TMPO: variants seen among roughly 807,000 people sequenced by gnomAD.
TMPO encodes thymopoietin.
A neutral mutation model predicts 45.4 loss-of-function variants in TMPO; 22 were observed. The ratio of observed to expected loss-of-function variants is 0.48; its 90% CI spans 0.35 to 0.69. The LOEUF (loss-of-function observed/expected upper bound fraction) is 0.69, where lower values mean the gene tolerates loss of function less well. Ranked by LOEUF, TMPO falls within the 30% of genes least tolerant of loss-of-function variation. The pLI is 0.01. For missense variants in TMPO, 512 were observed against 548.8 expected, an observed-to-expected ratio of 0.93 and a Z score of 0.67; for synonymous variants, 241 against 204.1, an observed-to-expected ratio of 1.18 and a Z score of -1.54.
chr12:98,516,137 C>T lies in TMPO; in HGVS notation c.270C>T (p.Ala90=). 1 of 1,465,084 alleles carries T rather than the reference C, an allele frequency of 6.8e-7. No homozygotes were observed. Among genetic ancestry groups the T allele is most frequent in the Non-Finnish European group, 8.9e-7 (1 of 1,118,388 alleles). The allele number at this position is 1,465,084 out of a possible 1,614,324, so 90.8% of individuals were successfully genotyped here. The change falls in exon 1 of 9, where the codon GCC becomes GCT. Residue 90 remains alanine, a synonymous_variant. Transcript: ENST00000556029. ...CCGCCGCGGGCCGGAGCCGAGCAGC[C>T]GTCGGCAGGGTAAGGACGCGGGGCC... ...GAAAAGRSRA[A]VGRKATKKTD...
chr12:98,531,962 A>G (rs1877226656), intron 3 of TMPO, 124 bp downstream of exon 3: 1 of 730,870 alleles, frequency 1.4e-6, no homozygotes, highest in African/African-American at 1.8e-5. Flanking sequence ...TCGTGTCATT[A>G]GAGTAATTCT....
At chr12:98,545,295 A>C (rs1878166815) in intron 7 of TMPO, among the ~76,000 whole-genome samples, 1 of 152,084 alleles carries the variant, frequency 6.6e-6, no homozygotes, top group African/African-American at 2.4e-5. Context: ...TATCCCTCTT[A>C]AGTTCCAGTT....
chr12:98,530,663 A>G (rs1255710194), intron 2 of TMPO, among the ~76,000 whole-genome samples: 1 of 152,238 alleles, frequency 6.6e-6, no homozygotes, highest in African/African-American at 2.4e-5. Flanking sequence ...CAAAGTTGTT[A>G]TATTTAAATC....
intron 3 of TMPO, chr12:98,533,369 C>G (rs199943517): frequency 6.2e-7 from 1 of 1,614,176 alleles, no homozygotes; most frequent in Non-Finnish European, 8.5e-7. Context: ...CTAATTTCTC[C>G]GCCACTTGCC....
intron 7 of TMPO, among the ~76,000 whole-genome samples, chr12:98,545,877 T>G (rs559523980): frequency 5.7e-4 from 86 of 152,036 alleles, no homozygotes; most frequent in African/African-American, 1.9e-3. Flanking sequence ...GGATTACGGG[T>G]GCCCGCCACC....
At chr12:98,532,806 C>G in intron 3 of TMPO, 2 of 1,614,108 alleles carry the variant, frequency 1.2e-6, no homozygotes, top group Non-Finnish European at 1.7e-6. Context: ...AACTTCCTGC[C>G]TCTTTTGCCT....
In TMPO at chr12:98,519,717, G is replaced by A. The variant is rs762037222; in HGVS notation, c.279+3571G>A. On this transcript the variant is annotated intron_variant, in intron 1 of 8. Coordinates refer to ENST00000556029, the MANE Select transcript of TMPO (RefSeq NM_001032283.3). ...TTGAAGAAAAATATTGGTAGTCAGC[G>A]TCATTTTCTGTTTTAAAGTACGTTA... 1.6e-4 allele frequency among the ~76,000 whole-genome samples: 24 copies of A among 152,226 alleles called. No individual in the cohort carries two copies. In the South Asian group the frequency reaches 2.5e-3, roughly 16 times the overall value.
chr12:98,527,333 T>TACAAAAAAAAAAAAAA (rs1206846362), intron 1 of TMPO, among the ~76,000 whole-genome samples: 1 of 27,058 alleles, frequency 3.7e-5, no homozygotes, highest in African/African-American at 1.6e-4. Flanking sequence ...ACCCCATCTC[T>TACAAAAAAAAAAAAAA]ACAAAAAAAA....
chr12:98,528,967 AAAAT>A (rs1358734048), intron 2 of TMPO, among the ~76,000 whole-genome samples: 22 of 152,170 alleles, frequency 1.4e-4, no homozygotes, highest in African/African-American at 4.3e-4. Flanking sequence ...TGTCTCAAAA[AAAAT>A]AAATAAATAA....
rs201838047 is a variant in TMPO, at chr12:98,527,937, G to T, written c.331G>T (p.Asp111Tyr). Residue 111 changes from aspartate to tyrosine, a missense_variant, in exon 2 of 9, where the codon GAT becomes TAT. This residue lies in a region of TMPO where 299 missense variants were observed against 296.7 expected (regional missense o/e 1.01). Coordinates refer to ENST00000556029, the MANE Select transcript of TMPO (RefSeq NM_001032283.3). ...CAGACAAGAAGATAAAGATGATCTA[G>T]ATGTAACAGAGCTCACTAATGAAGA... is the stretch of plus-strand genomic sequence containing the variant. The part of the protein sequence containing the change: ...KPRQEDKDDL[D>Y]VTELTNEDLL... The T allele has an allele frequency of 6.2e-7, 1 of 1,613,908 alleles. No homozygotes were observed. Among genetic ancestry groups the T allele is most frequent in the South Asian group, 1.1e-5 (1 of 91,078 alleles).
At chr12:98,529,726 T>A (rs1877052419) in intron 2 of TMPO, among the ~76,000 whole-genome samples, 1 of 152,022 alleles carries the variant, frequency 6.6e-6, no homozygotes, top group Non-Finnish European at 1.5e-5. Context: ...TCCCGGCTAA[T>A]TTTTGTAGTT....
At chr12:98,537,858 G>T in intron 4 of TMPO, 1 of 547,654 alleles carries the variant, frequency 1.8e-6, no homozygotes, top group Non-Finnish European at 3.2e-6. Context: ...TTAAAAGGTG[G>T]AAATATCTAG....
chr12:98,544,665 G>A (rs1431921054), intron 6 of TMPO, 128 bp downstream of exon 6: 2 of 799,756 alleles, frequency 2.5e-6, no homozygotes, highest in African/African-American at 1.8e-5. Context: ...ATTTTAAACT[G>A]ATTTTCCCCA....
chr12:98,515,740 G>C lies in TMPO; in HGVS notation c.-128G>C. On this transcript the variant is annotated 5_prime_UTR_variant, in exon 1 of 9. Coordinates refer to ENST00000556029, the MANE Select transcript of TMPO (RefSeq NM_001032283.3). ...TGTCCGCGAGTTTTTGTTCCGCTCC[G>C]CAGCGCTCTTCCCGGGCAGGAGCCG... is the stretch of plus-strand genomic sequence containing the variant. 1 of 1,533,538 alleles carries C rather than the reference G, an allele frequency of 6.5e-7. No homozygotes were observed. Among genetic ancestry groups the C allele is most frequent in the Non-Finnish European group, 8.8e-7 (1 of 1,139,286 alleles). 95.0% of individuals were successfully genotyped at this position (1,533,538 alleles called of 1,614,324 possible).
intron 5 of TMPO, 40 bp downstream of exon 5, chr12:98,544,389 G>C (rs201244858): frequency 6.2e-7 from 1 of 1,613,294 alleles, no homozygotes; most frequent in East Asian, 2.2e-5. Flanking sequence ...AGATTTGTAG[G>C]GTTTTAGTAT....
rs1875721746 is a variant in TMPO, at chr12:98,515,694, T to A, written c.-174T>A. 1 of 1,402,022 alleles carries A rather than the reference T, an allele frequency of 7.1e-7. No individual in the cohort carries two copies. Among genetic ancestry groups the A allele is most frequent in the Non-Finnish European group, 9.6e-7 (1 of 1,045,064 alleles). 86.8% of individuals were successfully genotyped at this position (1,402,022 alleles called of 1,614,324 possible). A position where few individuals can be genotyped will look rare whatever the true frequency, so the allele number is the denominator to read the frequency against. On this transcript the variant is annotated 5_prime_UTR_variant, in exon 1 of 9. Transcript: ENST00000556029. Reference sequence around the variant, plus strand: ...TAGTTCGGCTCTGGGGTCTTTTGTGTCCGGGTCTGGCTTGGCTTTGTGTCC... The same window carrying A: ...TAGTTCGGCTCTGGGGTCTTTTGTGACCGGGTCTGGCTTGGCTTTGTGTCC...
At position 98,549,529 on chromosome 12, in the gene TMPO, C is replaced by A. The variant is rs755347230; in HGVS notation, c.*1671C>A. ...GATGATTTTTTTTTTTAAGCTGAAA[C>A]TTACCTCATGAATAACTTGATTAAA... is the stretch of plus-strand genomic sequence containing the variant. On this transcript the variant is annotated 3_prime_UTR_variant, in exon 9 of 9. Transcript: ENST00000556029. The A allele has an allele frequency of 3.7e-5, 4 of 108,302 alleles. No homozygotes were observed. Among genetic ancestry groups the A allele is most frequent in the Admixed American group, 8.9e-5 (1 of 11,254 alleles). 6.7% of individuals were successfully genotyped at this position (108,302 alleles called of 1,614,324 possible). A position where few individuals can be genotyped will look rare whatever the true frequency, so the allele number is the denominator to read the frequency against.
At chr12:98,527,344 A>AAC (rs1451820424) in intron 1 of TMPO, among the ~76,000 whole-genome samples, 1 of 149,094 alleles carries the variant, frequency 6.7e-6, no homozygotes, top group African/African-American at 2.5e-5. Context: ...ACAAAAAAAA[A>AAC]AAAAAACAAA....
chr12:98,543,755 TCTA>T (rs1445876027), intron 4 of TMPO, among the ~76,000 whole-genome samples: 1 of 152,226 alleles, frequency 6.6e-6, no homozygotes, highest in Admixed American at 6.5e-5. Context: ...TTAAACTGAT[TCTA>T]CTAAAATGAT....
Sources: gnomAD v4.1 joint callset for allele counts (sites outside exome capture counted in the v4.1 genomes callset) on GRCh38, gnomAD v4.1.1 for gene constraint, gnomAD v4.1.1 regional missense constraint, MANE v1.5 for transcripts, NCBI Gene and HGNC (gene_info 2026-07-23, HGNC 2026-07-21) for gene names.